CNKSR2: variants seen among roughly 807,000 people sequenced by gnomAD.
CNKSR2 encodes CNK homolog protein 2.
In CNKSR2, 14 loss-of-function variants were observed where a neutral mutation model predicts 84.4. The observed-to-expected ratio is 0.17, with a 90% confidence interval of 0.11 to 0.26. The LOEUF is 0.26. Ranked by LOEUF, CNKSR2 falls within the 10% of genes least tolerant of loss-of-function variation. The pLI is 1.00. For missense variants in CNKSR2, 485 were observed against 771.2 expected, an observed-to-expected ratio of 0.63 and a Z score of 4.40; for synonymous variants, 275 against 277.9, an observed-to-expected ratio of 0.99 and a Z score of 0.10.
chrX:21,474,518 A>G (rs556741199), intron 5 of CNKSR2, among the ~76,000 whole-genome samples: 7 of 112,046 alleles, frequency 6.2e-5, no homozygotes, highest in East Asian at 2.8e-4. Context: ...CTCTAATCCA[A>G]TTATCCCATT....
intron 4 of CNKSR2, among the ~76,000 whole-genome samples, chrX:21,452,464 G>T (rs1005861983): frequency 9.0e-6 from 1 of 111,222 alleles, no homozygotes; most frequent in Non-Finnish European, 1.9e-5. Context: ...TGATTTTTTT[G>T]GTTTGTTAAA....
At chrX:21,520,347 T>C (rs1187925200) in intron 9 of CNKSR2, among the ~76,000 whole-genome samples, 1 of 111,144 alleles carries the variant, frequency 9.0e-6, no homozygotes, top group Non-Finnish European at 1.9e-5. Context: ...GAATCTCTTA[T>C]TCTAAGAAAA....
Position 21,595,214 on chromosome X carries a change from A to G in CNKSR2, c.1905-110A>G. The G allele has an allele frequency of 4.5e-6, 3 of 666,464 alleles. No individual in the cohort carries two copies. The East Asian group carries it at 9.8e-5, about 22-fold the overall frequency. 54.9% of individuals were successfully genotyped at this position (666,464 alleles called of 1,213,427 possible). On this transcript the variant is annotated intron_variant, in intron 16 of 21. Coordinates refer to ENST00000379510, the MANE Select transcript of CNKSR2 (RefSeq NM_014927.5). ...TGATTTCTGTCACCATGATAGAAGCATTATATATGTGAACTCGGGTTAGAT... is the reference window on the plus strand; with the variant it reads ...TGATTTCTGTCACCATGATAGAAGCGTTATATATGTGAACTCGGGTTAGAT...
chrX:21,518,542 C>G (rs923180931), intron 9 of CNKSR2, among the ~76,000 whole-genome samples: 3 of 111,341 alleles, frequency 2.7e-5, no homozygotes, highest in Non-Finnish European at 5.7e-5. Flanking sequence ...ATGGCAGTAC[C>G]CAGTTAAGAA....
chrX:21,520,557 C>G (rs2091772503), intron 9 of CNKSR2, among the ~76,000 whole-genome samples: 1 of 110,106 alleles, frequency 9.1e-6, no homozygotes, highest in Admixed American at 9.6e-5. Context: ...TATGTGTAGG[C>G]CAAGAGCATA....
At chrX:21,485,887 A>C (rs58464642) in intron 5 of CNKSR2, among the ~76,000 whole-genome samples, 9,945 of 111,762 alleles carry the variant, frequency 0.089, 1,075 homozygotes, top group African/African-American at 0.31. Flanking sequence ...GCAATCCCAG[A>C]ACTTTGGGAG....
rs771942684 is a variant in CNKSR2 at position 21,552,776 on chromosome X, C to A, written c.1304-8695C>A. Among the ~76,000 whole-genome samples, 4 of 111,837 alleles carry A rather than the reference C, an allele frequency of 3.6e-5. No individual in the cohort carries two copies. The South Asian group carries it at 1.5e-3, about 42-fold the overall frequency. On this transcript the variant is annotated intron_variant, in intron 11 of 21. Transcript: ENST00000379510. ...ATTACATGGTGTTCTATACTTCAAG[C>A]CACTTGTGGAATTACTACTATCACT...
intron 11 of CNKSR2, among the ~76,000 whole-genome samples, chrX:21,535,279 G>T (rs1164349642): frequency 9.0e-6 from 1 of 111,616 alleles, no homozygotes; most frequent in African/African-American, 3.3e-5. Context: ...GGTTATTACA[G>T]CTTTGTAGTG....
At chrX:21,535,791 A>T (rs1300210151) in intron 11 of CNKSR2, among the ~76,000 whole-genome samples, 3 of 111,240 alleles carry the variant, frequency 2.7e-5, no homozygotes, top group African/African-American at 9.8e-5. Context: ...TTTTCTATAT[A>T]TAAGAACATA....
chrX:21,471,316 G>T (rs770466054), intron 5 of CNKSR2, among the ~76,000 whole-genome samples: 1 of 111,955 alleles, frequency 8.9e-6, no homozygotes, highest in Non-Finnish European at 1.9e-5. Context: ...AATGGGCTAC[G>T]CGTACATTAT....
intron 8 of CNKSR2, among the ~76,000 whole-genome samples, chrX:21,502,495 G>C (rs1310432780): frequency 9.1e-6 from 1 of 109,887 alleles, no homozygotes; most frequent in East Asian, 2.9e-4. Flanking sequence ...ATCAGAGTGA[G>C]TAATTATTTC....
chrX:21,569,748 A>T (rs1289505003), intron 13 of CNKSR2, among the ~76,000 whole-genome samples: 1 of 112,225 alleles, frequency 8.9e-6, no homozygotes, highest in Non-Finnish European at 1.9e-5. Context: ...TAAGACTTGA[A>T]ATTTGAAATT....
chrX:21,567,683 C>T (rs773847276), intron 13 of CNKSR2, among the ~76,000 whole-genome samples: 1 of 111,328 alleles, frequency 9.0e-6, no homozygotes, highest in African/African-American at 3.3e-5. Context: ...AAGAGCATAA[C>T]TTTATTTTAC....
At chrX:21,517,312 G>A (rs1201811050) in intron 9 of CNKSR2, among the ~76,000 whole-genome samples, 2 of 110,390 alleles carry the variant, frequency 1.8e-5, no homozygotes, top group African/African-American at 6.6e-5. Flanking sequence ...GTAAGCCCAG[G>A]AGTATGAGGC....
At chrX:21,431,700 T>C (rs2090635965) in intron 2 of CNKSR2, among the ~76,000 whole-genome samples, 2 of 112,114 alleles carry the variant, frequency 1.8e-5, no homozygotes, top group Non-Finnish European at 3.8e-5. Flanking sequence ...CTTTACATTT[T>C]AATTGTAACT....
At chrX:21,426,216 T>C (rs1230289425) in intron 1 of CNKSR2, 1 of 258,405 alleles carries the variant, frequency 3.9e-6, no homozygotes, top group African/African-American at 2.9e-5. Flanking sequence ...CTTTATGAAA[T>C]AGTCAGCAAG....
At position 21,556,769 on chromosome X, in the gene CNKSR2, T is replaced by C. The variant is rs1345102034; in HGVS notation, c.1304-4702T>C. Among the ~76,000 whole-genome samples, 3 of 110,471 alleles carry C rather than the reference T, an allele frequency of 2.7e-5. No individual in the cohort carries two copies. In the Admixed American group the frequency reaches 2.9e-4, roughly 11 times the overall value. On this transcript the variant is annotated intron_variant, in intron 11 of 21. Coordinates refer to ENST00000379510, the MANE Select transcript of CNKSR2 (RefSeq NM_014927.5). ...GGAGAAGAATTGGGGGCTACAAATA[T>C]AAAGAAGCTTTCTACAAGGTTTTCT...
chrX:21,532,089 TTA>T, intron 11 of CNKSR2, 22 bp downstream of exon 11: 1 of 1,084,367 alleles, frequency 9.2e-7, no homozygotes. Flanking sequence ...TCTTTTATGT[TTA>T]TATAAGACTA....
chrX:21,447,701 T>C (rs1197424209), intron 4 of CNKSR2, among the ~76,000 whole-genome samples: 2 of 111,995 alleles, frequency 1.8e-5, no homozygotes, highest in African/African-American at 3.2e-5. Context: ...TGTGACAGAC[T>C]TGGAAGCAGG....
Sources: allele counts gnomAD v4.1 joint callset (sites outside exome capture counted in the v4.1 genomes callset), GRCh38; gene constraint gnomAD v4.1.1; transcripts MANE v1.5; gene names NCBI Gene and HGNC (gene_info 2026-07-23, HGNC 2026-07-21).